LRIG3: variants seen among roughly 807,000 people sequenced by gnomAD.
The protein encoded by LRIG3 is leucine-rich repeats and immunoglobulin-like domains protein 3.
In LRIG3, 76 loss-of-function variants were observed where a neutral mutation model predicts 114.5. The observed-to-expected ratio is 0.66, with a 90% CI of 0.55 to 0.80. The LOEUF is 0.80. Among genes scored for constraint, LRIG3 ranks in the 30% least tolerant of loss-of-function variants. The probability of loss-of-function intolerance (pLI) is 0.00; values close to 1 mark genes in which losing one functional copy is unlikely to be tolerated. For synonymous variants in LRIG3, 512 were observed against 519.8 expected (o/e 0.98, Z 0.20); for missense variants, 1,239 against 1,382.8 (o/e 0.90, Z 1.65).
intron 6 of LRIG3, 117 bp downstream of exon 6, chr12:58,888,702 A>C: frequency 7.1e-7 from 1 of 1,413,578 alleles, no homozygotes. Flanking sequence ...CTGACTTATA[A>C]ATAAGATTGT....
intron 10 of LRIG3, among the ~76,000 whole-genome samples, chr12:58,883,801 G>A (rs934389305): frequency 6.6e-6 from 1 of 152,154 alleles, no homozygotes; most frequent in Admixed American, 6.5e-5. Context: ...TTTTGTTTTA[G>A]TGAAAAAGAT....
At chr12:58,899,919 C>T (rs916323075) in intron 3 of LRIG3, among the ~76,000 whole-genome samples, 15 of 152,256 alleles carry the variant, frequency 9.9e-5, no homozygotes, top group African/African-American at 3.6e-4. Context: ...AGCTTGGATG[C>T]TACCATCTGG....
chr12:58,888,030 C>G, intron 7 of LRIG3, 98 bp from the exon 8 acceptor site: 1 of 1,064,018 alleles, frequency 9.4e-7, no homozygotes, highest in South Asian at 1.8e-5. Context: ...TACACTAATC[C>G]TTATTTTTAA....
chr12:58,877,676 T>C lies in LRIG3; in HGVS notation c.2260A>G (p.Ile754Val), dbSNP rs145977854. 6.2e-7 allele frequency: 1 copy of C among 1,614,052 alleles called. No individual in the cohort carries two copies. The highest frequency in any genetic ancestry group is 1.3e-5 in the African/African-American group (1 of 74,906). ...GCATCACTGACATCTGAGTCCACAATAATCAGAAGCTGATTGCCTGCTGCA... is the reference window on the plus strand; with the variant it reads ...GCATCACTGACATCTGAGTCCACAACAATCAGAAGCTGATTGCCTGCTGCA... ...FFAAGNQLLI[I>V]VDSDVSDAGK... The change falls in exon 15 of 19, where the codon ATT becomes GTT. Residue 754 changes from isoleucine (I) to valine (V), a missense_variant. Transcript: ENST00000320743.
chr12:58,876,236 C>CT (rs991535304), intron 16 of LRIG3, among the ~76,000 whole-genome samples: 3 of 152,146 alleles, frequency 2.0e-5, no homozygotes, highest in African/African-American at 4.8e-5. Flanking sequence ...ACCTACTAGT[C>CT]TTTTTTTATT....
chr12:58,895,815 C>T (rs116878454), intron 3 of LRIG3, among the ~76,000 whole-genome samples: 5,041 of 152,204 alleles, frequency 0.033, 134 homozygotes, highest in Non-Finnish European at 0.048. Context: ...AGAAGGATGA[C>T]GAGCGACCTT....
At position 58,884,294 on chromosome 12, in the gene LRIG3, T is replaced by C. The variant is rs75845401; in HGVS notation, c.1245-703A>G. Among the ~76,000 whole-genome samples, 231 of 152,350 alleles carry C rather than the reference T, an allele frequency of 1.5e-3. 6 individuals are homozygous for C. The East Asian group carries it at 0.039, about 26-fold the overall frequency. ...TTAATTCTCTTTATACAGAGACTTATAAGCACTCTGCATTAAAGTATTCAC... is the reference window on the plus strand; with the variant it reads ...TTAATTCTCTTTATACAGAGACTTACAAGCACTCTGCATTAAAGTATTCAC... On this transcript the variant is annotated intron_variant, in intron 10 of 18. Coordinates refer to ENST00000320743, the MANE Select transcript of LRIG3 (RefSeq NM_153377.5).
At chr12:58,893,574 T>TG (rs1179789270) in intron 3 of LRIG3, among the ~76,000 whole-genome samples, 2 of 152,164 alleles carry the variant, frequency 1.3e-5, no homozygotes, top group African/African-American at 4.8e-5. Flanking sequence ...GATCTAGCTG[T>TG]GAGGTATAGG....
At chr12:58,876,394 C>T in intron 16 of LRIG3, 51 bp downstream of exon 16, 1 of 1,580,530 alleles carries the variant, frequency 6.3e-7, no homozygotes. Flanking sequence ...CTGAGCCTTC[C>T]ACCATATGAC....
At chr12:58,913,881 A>G (rs1872374722) in intron 3 of LRIG3, 101 bp downstream of exon 3, 1 of 1,020,732 alleles carries the variant, frequency 9.8e-7, no homozygotes, top group African/African-American at 1.6e-5. Flanking sequence ...TGAAAAAAAT[A>G]TTCCATTTTT....
chr12:58,890,573 T>C (rs1871422165), intron 4 of LRIG3, 92 bp downstream of exon 4: 2 of 1,218,666 alleles, frequency 1.6e-6, no homozygotes, highest in African/African-American at 3.1e-5. Flanking sequence ...AATCCATCAG[T>C]AGTAAAGTAG....
At chr12:58,880,556 C>A (rs773267873) in intron 13 of LRIG3, 25 bp downstream of exon 13, 1 of 1,599,794 alleles carries the variant, frequency 6.3e-7, no homozygotes, top group Non-Finnish European at 8.5e-7. Flanking sequence ...TCTTTAAATG[C>A]TAAAGGAAAA....
At position 58,880,574 on chromosome 12, in the gene LRIG3, C is replaced by T; in HGVS notation, c.1801+7G>A. 1 of 1,607,820 alleles carries T rather than the reference C, an allele frequency of 6.2e-7. No homozygotes were observed. Among genetic ancestry groups the T allele is most frequent in the African/African-American group, 1.3e-5 (1 of 74,928 alleles). ...TTAAATGCTAAAGGAAAAGTCAGAT[C>T]ACATACTATTTACTGTAAGCTTGGC... On this transcript the variant is annotated splice_region_variant and intron_variant, in intron 13 of 18. Transcript: ENST00000320743.
At chr12:58,905,356 T>C (rs1872022419) in intron 3 of LRIG3, among the ~76,000 whole-genome samples, 1 of 152,362 alleles carries the variant, frequency 6.6e-6, no homozygotes, top group Middle Eastern at 3.4e-3. Flanking sequence ...GCTCTGTGTA[T>C]AGTAAACTCT....
At chr12:58,898,297 G>A (rs1261472768) in intron 3 of LRIG3, among the ~76,000 whole-genome samples, 2 of 152,174 alleles carry the variant, frequency 1.3e-5, no homozygotes, top group Non-Finnish European at 2.9e-5. Context: ...CCTGTAAACA[G>A]AGGGAAATGA....
At chr12:58,880,359 T>G in intron 13 of LRIG3, 2 of 690,042 alleles carry the variant, frequency 2.9e-6, no homozygotes, top group Non-Finnish European at 5.3e-6. Flanking sequence ...TTCATCTCTG[T>G]GTTACTCACC....
intron 7 of LRIG3, 53 bp downstream of exon 7, chr12:58,888,276 C>T (rs1871340986): frequency 2.5e-6 from 4 of 1,572,350 alleles, no homozygotes; most frequent in Non-Finnish European, 3.5e-6. Flanking sequence ...AGCTCATGCC[C>T]TGGCATGATC....
chr12:58,886,031 G>C (rs1272490989), intron 9 of LRIG3, 129 bp from the exon 10 acceptor site: 1 of 387,434 alleles, frequency 2.6e-6, no homozygotes, highest in Non-Finnish European at 4.8e-6. Context: ...AATATATCCT[G>C]TAAAAATGTG....
Position 58,878,992 on chromosome 12 carries a change from CCTT to C in LRIG3, c.1912_1914del (p.Lys638del). 6.2e-7 allele frequency: 1 copy of C among 1,614,212 alleles called. No homozygotes were observed. The highest frequency in any genetic ancestry group is 8.5e-7 in the Non-Finnish European group (1 of 1,180,042). Reference sequence around the variant, plus strand: ...GCAGCTGGGAAGTCTGTGCCCCCATCCTTCTGCCAGGCTATCTGGGGGGCTGGG... The same window carrying C: ...GCAGCTGGGAAGTCTGTGCCCCCATCCTGCCAGGCTATCTGGGGGGCTGGG... On this transcript the variant is annotated inframe_deletion, in exon 14 of 19. Coordinates refer to ENST00000320743, the MANE Select transcript of LRIG3 (RefSeq NM_153377.5).
Sources: gnomAD v4.1 joint callset for allele counts (sites outside exome capture counted in the v4.1 genomes callset) on GRCh38, gnomAD v4.1.1 for gene constraint, MANE v1.5 for transcripts, NCBI Gene and HGNC (gene_info 2026-07-23, HGNC 2026-07-21) for gene names.